UGGT2: variants seen among roughly 807,000 people sequenced by gnomAD.
UGGT2 encodes the protein UDP-glucose:glycoprotein glucosyltransferase 2.
UGGT2 carries 180 observed loss-of-function variants against 192.1 expected under a neutral mutation model. The observed-to-expected ratio is 0.94, with a 90% CI of 0.83 to 1.06. UGGT2 has a LOEUF of 1.06. Ranked by LOEUF, UGGT2 falls within the 50% of genes least tolerant of loss-of-function variation. The probability of loss-of-function intolerance (pLI) is 0.00; values close to 1 mark genes in which losing one functional copy is unlikely to be tolerated. For synonymous variants in UGGT2, 580 were observed against 591.0 expected, an observed-to-expected ratio of 0.98 and a Z score of 0.27; for missense variants, 1,849 against 1,795.7, an observed-to-expected ratio of 1.03 and a Z score of -0.54.
chr13:95,939,458 ATTTC>A (rs1049729079), intron 16 of UGGT2, among the ~76,000 whole-genome samples: 13 of 131,414 alleles, frequency 9.9e-5, no homozygotes, highest in East Asian at 2.1e-4. Context: ...TTCTCTGAAA[ATTTC>A]TTTGAGTTGT....
chr13:95,964,072 ATATAGT>A (rs1182913409), intron 12 of UGGT2, among the ~76,000 whole-genome samples: 4 of 152,194 alleles, frequency 2.6e-5, no homozygotes, highest in African/African-American at 9.6e-5. Context: ...TGATTTGAAA[ATATAGT>A]TACAGTAACC....
intron 29 of UGGT2, among the ~76,000 whole-genome samples, chr13:95,872,841 C>A (rs1467555274): frequency 6.6e-6 from 1 of 152,174 alleles, no homozygotes; most frequent in East Asian, 1.9e-4. Flanking sequence ...TTTAGTTTTA[C>A]ATAATACATG....
At chr13:95,906,910 TC>T (rs1405751443) in intron 20 of UGGT2, among the ~76,000 whole-genome samples, 1 of 152,138 alleles carries the variant, frequency 6.6e-6, no homozygotes, top group Non-Finnish European at 1.5e-5. Flanking sequence ...GGTACCTGGT[TC>T]ATCTCAATGG....
At chr13:95,878,666 G>T (rs941404186) in intron 27 of UGGT2, among the ~76,000 whole-genome samples, 5 of 152,128 alleles carry the variant, frequency 3.3e-5, no homozygotes, top group Non-Finnish European at 7.4e-5. Flanking sequence ...ATTCTGTTGA[G>T]ATTAAAGACA....
chr13:95,979,706 T>G (rs1363914903), intron 10 of UGGT2, among the ~76,000 whole-genome samples: 1 of 151,972 alleles, frequency 6.6e-6, no homozygotes, highest in African/African-American at 2.4e-5. Flanking sequence ...GACAGCAGAG[T>G]TAGCAGACAG....
intron 1 of UGGT2, among the ~76,000 whole-genome samples, chr13:96,038,001 G>C (rs1461860791): frequency 6.6e-6 from 1 of 152,218 alleles, no homozygotes; most frequent in Non-Finnish European, 1.5e-5. Context: ...AAGGTATAGA[G>C]AGAAAGATTT....
chr13:95,869,658 A>G (rs1891050465), intron 29 of UGGT2, among the ~76,000 whole-genome samples: 1 of 152,166 alleles, frequency 6.6e-6, no homozygotes, highest in Admixed American at 6.5e-5. Flanking sequence ...GCTCTTCACC[A>G]CTGTACTATC....
At chr13:95,988,971 G>C (rs754800416) in intron 8 of UGGT2, among the ~76,000 whole-genome samples, 1 of 152,110 alleles carries the variant, frequency 6.6e-6, no homozygotes, top group East Asian at 1.9e-4. Context: ...ATACTAGTGA[G>C]AGTGGCCTGT....
rs530316700 is a variant in UGGT2 at position 95,904,367 on chromosome 13, A to G, written c.2296-1307T>C. 3.1e-3 allele frequency among the ~76,000 whole-genome samples: 469 copies of G among 151,800 alleles called. 3 individuals carry two copies. Among genetic ancestry groups the G allele is most frequent in the African/African-American group, 0.011 (447 of 41,356 alleles). On this transcript the variant is annotated intron_variant, in intron 20 of 38. Transcript: ENST00000376747. ...GTGCAGGTTAGTTACATATGTATAC[A>G]TGTGCCATGCTGGTGCACTGCACCC...
At chr13:95,897,387 AAAT>A (rs2047976564) in intron 22 of UGGT2, among the ~76,000 whole-genome samples, 1 of 152,182 alleles carries the variant, frequency 6.6e-6, no homozygotes, top group Non-Finnish European at 1.5e-5. Flanking sequence ...TAATACAAAT[AAAT>A]ATTATTATAA....
chr13:95,845,152 C>A (rs1055390655), intron 36 of UGGT2, among the ~76,000 whole-genome samples: 1 of 149,836 alleles, frequency 6.7e-6, no homozygotes, highest in East Asian at 2.0e-4. Context: ...CATGTGGTCA[C>A]GATTCATGAT....
intron 38 of UGGT2, among the ~76,000 whole-genome samples, chr13:95,818,013 T>C (rs1885081752): frequency 6.6e-6 from 1 of 152,158 alleles, no homozygotes. Context: ...GAAAAATGCA[T>C]AGCACCAAAA....
rs539488883 is a variant in UGGT2, at chr13:96,049,483, A to G, written c.158+3672T>C. On this transcript the variant is annotated intron_variant, in intron 1 of 38. Coordinates refer to ENST00000376747, the MANE Select transcript of UGGT2 (RefSeq NM_020121.4). The stretch of plus-strand genomic sequence containing the variant: ...AGTGTTGGAAGTTCTGGCCAGGGCA[A>G]TCAGGCAGGAGAAAGAAATAAAGGG... Among the ~76,000 whole-genome samples the G allele has an allele frequency of 6.6e-5, 10 of 152,334 alleles. No individual in the cohort carries two copies. In the South Asian group the frequency reaches 2.1e-3, roughly 32 times the overall value.
chr13:95,832,869 A>C (rs1886873242), intron 38 of UGGT2, 58 bp downstream of exon 38: 1 of 1,592,830 alleles, frequency 6.3e-7, no homozygotes, highest in Non-Finnish European at 8.6e-7. Context: ...TCTGTAGTCT[A>C]TTCTAATCTC....
At chr13:96,041,310 A>G (rs896158418) in intron 1 of UGGT2, among the ~76,000 whole-genome samples, 2 of 152,152 alleles carry the variant, frequency 1.3e-5, no homozygotes, top group African/African-American at 4.8e-5. Flanking sequence ...CAAGCAAAAT[A>G]CAAGGGTAGA....
Position 95,895,259 on chromosome 13 carries a change from A to C in UGGT2, c.2680T>G (p.Leu894Val), listed in dbSNP as rs1233860679. 1.9e-6 allele frequency: 3 copies of C among 1,556,030 alleles called. No homozygotes were observed. The highest frequency in any genetic ancestry group is 2.8e-5 in the African/African-American group (2 of 72,484). ...DEDFYAEDFYLLEKITFSNLG... is the reference protein window; with the variant it reads ...DEDFYAEDFYVLEKITFSNLG... ...TTACTAAATGTTATCTTTTCCAACA[A>C]GTAAAAATCTTCTGCATAAAAATCT... The change falls in exon 23 of 39, where the codon TTG becomes GTG. Residue 894 changes from leucine (L) to valine (V), a missense_variant. Coordinates refer to ENST00000376747, the MANE Select transcript of UGGT2 (RefSeq NM_020121.4).
chr13:95,854,323 GTATTTCCGTCT>G lies in UGGT2; in HGVS notation c.4150_4160del (p.Arg1384ProfsTer20). The G allele has an allele frequency of 6.2e-7, 1 of 1,611,888 alleles. No individual in the cohort carries two copies. The highest frequency in any genetic ancestry group is 8.5e-7 in the Non-Finnish European group (1 of 1,179,138). ...GGTCTGACTTTTCTTACCTGATATGGTATTTCCGTCTTAAAAGATGTGATGCCCAGTATCCT... is the reference window on the plus strand; with the variant it reads ...GGTCTGACTTTTCTTACCTGATATGGTAAAAGATGTGATGCCCAGTATCCT... On this transcript the variant is annotated frameshift_variant, in exon 35 of 39. Transcript: ENST00000376747. LOFTEE classifies it high-confidence loss of function.
chr13:95,830,177 G>C (rs1303702934), intron 38 of UGGT2, among the ~76,000 whole-genome samples: 1 of 151,988 alleles, frequency 6.6e-6, no homozygotes, highest in Admixed American at 6.6e-5. Context: ...CATAAAAACT[G>C]TAGAAGAAAA....
chr13:96,044,946 A>G (rs1278444581), intron 1 of UGGT2, among the ~76,000 whole-genome samples: 1 of 152,150 alleles, frequency 6.6e-6, no homozygotes, highest in East Asian at 1.9e-4. Flanking sequence ...TCCTATTGAC[A>G]CTATTCCACG....
Sources: gnomAD v4.1 joint callset for allele counts (sites outside exome capture counted in the v4.1 genomes callset) on GRCh38, gnomAD v4.1.1 for gene constraint, MANE v1.5 for transcripts, NCBI Gene and HGNC (gene_info 2026-07-23, HGNC 2026-07-21) for gene names.